The following C12orf56 variants were observed in gnomAD, a reference collection of about 807,000 sequenced individuals.
C12orf56 encodes chromosome 12 open reading frame 56, also known as uncharacterized protein C12orf56.
In C12orf56, 71 loss-of-function variants were observed where a neutral mutation model predicts 69.9. The ratio of observed to expected loss-of-function variants is 1.02; its 90% CI spans 0.84 to 1.24. C12orf56 has a LOEUF of 1.24. C12orf56 is among the 50% of genes most tolerant of loss of function. C12orf56 has a pLI of 0.00. For synonymous variants in C12orf56, 276 were observed against 274.1 expected (o/e 1.01, Z -0.07); for missense variants, 732 against 738.5 (o/e 0.99, Z 0.10).
intron 2 of C12orf56, among the ~76,000 whole-genome samples, chr12:64,346,099 A>G (rs1318489818): frequency 6.6e-6 from 1 of 152,138 alleles, no homozygotes. Context: ...GGTTCTCTAG[A>G]GGGACAGAAC....
intron 1 of C12orf56, among the ~76,000 whole-genome samples, chr12:64,365,591 C>A (rs975006967): frequency 2.0e-5 from 3 of 150,998 alleles, no homozygotes; most frequent in Non-Finnish European, 4.4e-5. Context: ...TCTCAACTTA[C>A]ACAAACTGAC....
At chr12:64,345,715 A>G (rs892639628) in intron 2 of C12orf56, among the ~76,000 whole-genome samples, 1 of 152,220 alleles carries the variant, frequency 6.6e-6, no homozygotes, top group Non-Finnish European at 1.5e-5. Flanking sequence ...GCTGGTAGAT[A>G]GAATCCCTGA....
chr12:64,283,892 A>T (rs1366961834), intron 8 of C12orf56, among the ~76,000 whole-genome samples: 1 of 148,618 alleles, frequency 6.7e-6, no homozygotes, highest in African/African-American at 2.5e-5. Flanking sequence ...TTTGGGCCAC[A>T]TATTTTAGAG....
chr12:64,308,942 AGAAAG>A lies in C12orf56; in HGVS notation c.968+3732_968+3736del, dbSNP rs1565748972. Among the ~76,000 whole-genome samples, 80 of 68,644 alleles carry A rather than the reference AGAAAG, an allele frequency of 1.2e-3. 1 individual carries two copies. The highest frequency in any genetic ancestry group is 3.7e-3 in the African/African-American group (76 of 20,560). The allele number at this position is 68,644 out of a possible 152,430, so 45.0% of individuals were successfully genotyped here. A position where few individuals can be genotyped will look rare whatever the true frequency, so the allele number is the denominator to read the frequency against. ...AAAGAAAGAAAGAAAGAAAGAAAGA[AGAAAG>A]AAAGAAAGAAAGAAAGAAAGAAAGA... On this transcript the variant is annotated intron_variant, in intron 5 of 12. Coordinates refer to ENST00000543942, the MANE Select transcript of C12orf56 (RefSeq NM_001170633.2).
intron 2 of C12orf56, among the ~76,000 whole-genome samples, chr12:64,331,451 T>C (rs2038929556): frequency 1.3e-5 from 2 of 152,124 alleles, no homozygotes; most frequent in African/African-American, 4.8e-5. Flanking sequence ...CAGTGAGCTA[T>C]GATCACACCA....
intron 12 of C12orf56, 148 bp from the exon 13 acceptor site, chr12:64,267,436 A>G (rs562720995): frequency 3.8e-5 from 24 of 632,744 alleles, no homozygotes; most frequent in African/African-American, 3.0e-4. Flanking sequence ...CAGATCTCCA[A>G]TCTCCCCCAT....
At chr12:64,389,168 C>T (rs923834604) in intron 1 of C12orf56, 7 of 152,152 alleles carry the variant, frequency 4.6e-5, no homozygotes, top group African/African-American at 1.7e-4. Context: ...ACCAAGAACA[C>T]ACCTGGAGAG....
At position 64,277,768 on chromosome 12, in the gene C12orf56, C is replaced by T; in HGVS notation, c.1346G>A (p.Ser449Asn). ...ALFNLLVILI[S>N]EPQIPKSCPV... is the part of the protein sequence containing the mutation. ...ACAAGATTTTGGAATCTGAGGCTCA[C>T]TAATTAAAATTACCAAGAGATTAAA... The change falls in exon 9 of 13, where the codon AGT (serine) becomes AAT (asparagine). Residue 449 changes from serine (S) to asparagine (N), a missense_variant. Coordinates refer to ENST00000543942, the MANE Select transcript of C12orf56 (RefSeq NM_001170633.2). The T allele has an allele frequency of 1.2e-6, 2 of 1,601,906 alleles. No homozygotes were observed. Among genetic ancestry groups the T allele is most frequent in the Middle Eastern group, 1.7e-4 (1 of 6,014 alleles).
At chr12:64,300,037 A>T (rs1193717125) in intron 6 of C12orf56, among the ~76,000 whole-genome samples, 1 of 152,188 alleles carries the variant, frequency 6.6e-6, no homozygotes, top group Non-Finnish European at 1.5e-5. Flanking sequence ...GTTCTATGGC[A>T]TGGAATTGAC....
In C12orf56 at chr12:64,331,015, C is replaced by T. The variant is rs200494040; in HGVS notation, c.433G>A (p.Gly145Ser). ...TCTTTGCTTCTCCAAAAGGCAAGGC[C>T]GTTCTTTTCTTCCTTGACTTAAAAA... ...NNKKVKEEKN[G>S]LAFWRSKESR... Residue 145 changes from glycine (G) to serine (S), a missense_variant, in exon 3 of 13, where the codon GGC becomes AGC. Coordinates refer to ENST00000543942, the MANE Select transcript of C12orf56 (RefSeq NM_001170633.2). 245 of 1,548,818 alleles carry T rather than the reference C, an allele frequency of 1.6e-4. 1 individual carries two copies. The African/African-American group carries it at 2.6e-3, about 17-fold the overall frequency.
intron 1 of C12orf56, among the ~76,000 whole-genome samples, chr12:64,370,253 G>C (rs940796882): frequency 6.6e-6 from 1 of 151,658 alleles, no homozygotes; most frequent in African/African-American, 2.4e-5. Flanking sequence ...GCTGAGGCTG[G>C]AGAATTGCTT....
At chr12:64,382,262 C>CAAAAAA (rs55714337) in intron 1 of C12orf56, among the ~76,000 whole-genome samples, 3 of 97,702 alleles carry the variant, frequency 3.1e-5, no homozygotes, top group Non-Finnish European at 4.1e-5. Flanking sequence ...ACTCTTGTCT[C>CAAAAAA]AAAAAAAAAA....
chr12:64,333,764 T>C (rs2038960504), intron 2 of C12orf56, among the ~76,000 whole-genome samples: 1 of 152,142 alleles, frequency 6.6e-6, no homozygotes, highest in South Asian at 2.1e-4. Context: ...GGCCTCCCAA[T>C]GTGCTGGGAT....
chr12:64,367,591 T>C (rs1159412148), intron 1 of C12orf56, among the ~76,000 whole-genome samples: 5 of 150,974 alleles, frequency 3.3e-5, no homozygotes, highest in African/African-American at 1.2e-4. Context: ...CTGCAACCTT[T>C]GCCTCCTGGG....
At chr12:64,308,916 G>GAAA (rs555194039) in intron 5 of C12orf56, among the ~76,000 whole-genome samples, 3 of 57,918 alleles carry the variant, frequency 5.2e-5, no homozygotes, top group Admixed American at 4.1e-4. Flanking sequence ...AAGAAAGAAA[G>GAAA]AAAGAAAGAA....
At chr12:64,369,721 G>A (rs944146265) in intron 1 of C12orf56, among the ~76,000 whole-genome samples, 20 of 151,476 alleles carry the variant, frequency 1.3e-4, no homozygotes, top group African/African-American at 3.4e-4. Context: ...GGTGGCTCAC[G>A]CCTGTAATCC....
intron 5 of C12orf56, 94 bp from the exon 6 acceptor site, chr12:64,303,873 G>A: frequency 1.5e-6 from 2 of 1,328,184 alleles, no homozygotes; most frequent in Non-Finnish European, 2.0e-6. Context: ...GTTAAACTTT[G>A]TTACTAATGG....
At chr12:64,335,781 T>G (rs1266805827) in intron 2 of C12orf56, among the ~76,000 whole-genome samples, 1 of 152,196 alleles carries the variant, frequency 6.6e-6, no homozygotes, top group African/African-American at 2.4e-5. Flanking sequence ...ACTAAGTGTT[T>G]TTACTAGAAA....
chr12:64,387,756 G>A (rs559252278), intron 1 of C12orf56, among the ~76,000 whole-genome samples: 199 of 151,578 alleles, frequency 1.3e-3, no homozygotes, highest in African/African-American at 4.6e-3. Flanking sequence ...AGGTTGCAGT[G>A]AACTGAGATC....
Sources: gnomAD v4.1 joint callset for allele counts (sites outside exome capture counted in the v4.1 genomes callset) on GRCh38, gnomAD v4.1.1 for gene constraint, MANE v1.5 for transcripts, NCBI Gene and HGNC (gene_info 2026-07-23, HGNC 2026-07-21) for gene names.